Variants in ATRN observed in about 807,000 individuals in gnomAD.
ATRN encodes attractin-2.
A neutral mutation model predicts 178.7 loss-of-function variants in ATRN; 54 were observed. The observed-to-expected ratio is 0.30, with a 90% CI of 0.24 to 0.38. The LOEUF (loss-of-function observed/expected upper bound fraction) is 0.38, where lower values mean the gene tolerates loss of function less well. Among genes scored for constraint, ATRN ranks in the 10% least tolerant of loss-of-function variants. The probability of loss-of-function intolerance (pLI) is 1.00; values close to 1 mark genes in which losing one functional copy is unlikely to be tolerated. For missense variants in ATRN, 1,443 were observed against 1,815.1 expected (o/e 0.79, Z 3.73); for synonymous variants, 636 against 663.0 (o/e 0.96, Z 0.63).
chr20:3,490,448 C>G, intron 1 of ATRN: 1 of 947,342 alleles, frequency 1.1e-6, no homozygotes, highest in South Asian at 1.3e-5. Context: ...TGAAGTTACT[C>G]AAGCAGCATC....
intron 6 of ATRN, among the ~76,000 whole-genome samples, chr20:3,557,106 G>A (rs891972530): frequency 2.0e-5 from 3 of 152,164 alleles, no homozygotes; most frequent in Non-Finnish European, 4.4e-5. Flanking sequence ...GTCCTTCTCA[G>A]GAAACACCTT....
At chr20:3,613,244 T>A (rs2086791152) in intron 24 of ATRN, among the ~76,000 whole-genome samples, 1 of 152,222 alleles carries the variant, frequency 6.6e-6, no homozygotes, top group Non-Finnish European at 1.5e-5. Flanking sequence ...GTAAGTTCTA[T>A]TGCAAACGTG....
chr20:3,537,242 A>G (rs1676782199), intron 2 of ATRN, among the ~76,000 whole-genome samples: 1 of 152,218 alleles, frequency 6.6e-6, no homozygotes, highest in Admixed American at 6.5e-5. Context: ...TTGGCAGCAA[A>G]TACTGTCAGT....
At chr20:3,606,753 T>A (rs658709) in intron 24 of ATRN, among the ~76,000 whole-genome samples, 4,170 of 152,310 alleles carry the variant, frequency 0.027, 147 homozygotes, top group African/African-American at 0.082. Context: ...GCTAATATTT[T>A]GGTTAGAATT....
intron 1 of ATRN, among the ~76,000 whole-genome samples, chr20:3,519,675 G>T (rs973689987): frequency 6.6e-6 from 1 of 152,070 alleles, no homozygotes; most frequent in Non-Finnish European, 1.5e-5. Flanking sequence ...AATCTCAGAG[G>T]TCACCGCTAA....
chr20:3,529,731 G>A (rs1358962488), intron 1 of ATRN, among the ~76,000 whole-genome samples: 1 of 152,124 alleles, frequency 6.6e-6, no homozygotes, highest in East Asian at 1.9e-4. Flanking sequence ...TACACTTTGT[G>A]TATACATTTG....
chr20:3,577,646 T>G (rs1161817657), intron 14 of ATRN, among the ~76,000 whole-genome samples: 1 of 152,168 alleles, frequency 6.6e-6, no homozygotes, highest in African/African-American at 2.4e-5. Flanking sequence ...GAATGTCCCT[T>G]GGAAGTTTTT....
At chr20:3,501,105 C>G (rs887229171) in intron 1 of ATRN, among the ~76,000 whole-genome samples, 5 of 151,990 alleles carry the variant, frequency 3.3e-5, no homozygotes. Flanking sequence ...AATCGTATAA[C>G]TGGTATTATT....
rs1179229505 is a variant in ATRN at position 3,645,909 on chromosome 20, A to T, written c.4166-814A>T. Among the ~76,000 whole-genome samples the T allele has an allele frequency of 2.6e-5, 4 of 152,132 alleles. No individual in the cohort carries two copies. Among genetic ancestry groups the T allele is most frequent in the Non-Finnish European group, 5.9e-5 (4 of 68,034 alleles). On this transcript the variant is annotated intron_variant, in intron 28 of 28. Coordinates refer to ENST00000262919, the MANE Select transcript of ATRN (RefSeq NM_139321.3). This position sits in a 1 kb window ranked among gnomAD's most constrained non-coding sequence, Gnocchi z 4.7. Reference sequence around the variant, plus strand: ...CCCAGAACCGTGCCTTCCCTAATGGATGTCAGATTACTCCGTTATCAATAC... The same window carrying T: ...CCCAGAACCGTGCCTTCCCTAATGGTTGTCAGATTACTCCGTTATCAATAC...
At chr20:3,502,277 A>G (rs951600911) in intron 1 of ATRN, among the ~76,000 whole-genome samples, 1 of 152,184 alleles carries the variant, frequency 6.6e-6, no homozygotes, top group Admixed American at 6.5e-5. Context: ...TATTACAAAT[A>G]AGATGGTATA....
chr20:3,606,114 C>T (rs956669179), intron 24 of ATRN, among the ~76,000 whole-genome samples: 19 of 152,196 alleles, frequency 1.2e-4, no homozygotes, highest in African/African-American at 4.6e-4. Flanking sequence ...CCCTCGCATA[C>T]TCCCTGTGTC....
chr20:3,585,431 T>C (rs762678094), intron 18 of ATRN, among the ~76,000 whole-genome samples: 8 of 152,138 alleles, frequency 5.3e-5, no homozygotes, highest in Non-Finnish European at 1.0e-4. Flanking sequence ...TTATTGGAGA[T>C]AAAGAAGCCA....
chr20:3,625,028 T>C lies in ATRN; in HGVS notation c.3863+456T>C, dbSNP rs189253584. 2.9e-3 allele frequency among the ~76,000 whole-genome samples: 443 copies of C among 152,356 alleles called. 2 individuals carry two copies. Among genetic ancestry groups the C allele is most frequent in the Non-Finnish European group, 4.1e-3 (282 of 68,034 alleles). On this transcript the variant is annotated intron_variant, in intron 25 of 28. Transcript: ENST00000262919. ...GATTTTCTTTTATTTCCATAGTTTTTTTCGTAGTCTAATTTTATCTTTATG... is the reference window on the plus strand; with the variant it reads ...GATTTTCTTTTATTTCCATAGTTTTCTTCGTAGTCTAATTTTATCTTTATG...
At chr20:3,569,486 G>T (rs2086086123) in intron 11 of ATRN, among the ~76,000 whole-genome samples, 1 of 152,176 alleles carries the variant, frequency 6.6e-6, no homozygotes, top group Non-Finnish European at 1.5e-5. Context: ...TATGAAGAGA[G>T]GGAGCATACA....
At position 3,471,525 on chromosome 20, in the gene ATRN, G is replaced by T. The variant is rs867829917; in HGVS notation, c.410+8G>T. 2 of 1,386,472 alleles carry T rather than the reference G, an allele frequency of 1.4e-6. No homozygotes were observed. Among genetic ancestry groups the T allele is most frequent in the Middle Eastern group, 4.1e-4 (2 of 4,904 alleles). The allele number at this position is 1,386,472 out of a possible 1,614,324, so 85.9% of individuals were successfully genotyped here. A position where few individuals can be genotyped will look rare whatever the true frequency, so the allele number is the denominator to read the frequency against. ...CTGCGGGGGCCGCTTCAGGTGAGTG[G>T]CGGGTGGTGTCGGAGGGTCGGGTCC... On this transcript the variant is annotated splice_region_variant and intron_variant, in intron 1 of 28. Transcript: ENST00000262919.
At chr20:3,513,045 C>T (rs2085158298) in intron 1 of ATRN, among the ~76,000 whole-genome samples, 1 of 152,066 alleles carries the variant, frequency 6.6e-6, no homozygotes, top group Non-Finnish European at 1.5e-5. Context: ...AAATTTTCTC[C>T]CATTCTGTAG....
chr20:3,503,974 C>T (rs1300304238), intron 1 of ATRN, among the ~76,000 whole-genome samples: 2 of 152,238 alleles, frequency 1.3e-5, no homozygotes, highest in Middle Eastern at 3.4e-3. Flanking sequence ...AGAAATGATG[C>T]ATTACCTATA....
rs1208190634 is a variant in ATRN at position 3,489,813 on chromosome 20, C to T, written c.410+18296C>T. 3 of 1,260,762 alleles carry T rather than the reference C, an allele frequency of 2.4e-6. No individual in the cohort carries two copies. The East Asian group carries it at 7.0e-5, about 29-fold the overall frequency. The allele number at this position is 1,260,762 out of a possible 1,614,324, so 78.1% of individuals were successfully genotyped here. A position where few individuals can be genotyped will look rare whatever the true frequency, so the allele number is the denominator to read the frequency against. Reference sequence around the variant, plus strand: ...GTAGGTGTAGTTTCCACAAATCTCACAGTTATAGTTGATATTTAGGCCATG... The same window carrying T: ...GTAGGTGTAGTTTCCACAAATCTCATAGTTATAGTTGATATTTAGGCCATG... On this transcript the variant is annotated intron_variant, in intron 1 of 28. Transcript: ENST00000262919.
chr20:3,536,366 G>T (rs2085533293), intron 2 of ATRN, among the ~76,000 whole-genome samples: 2 of 151,940 alleles, frequency 1.3e-5, no homozygotes, highest in Middle Eastern at 3.2e-3. Flanking sequence ...GTGCCACCAT[G>T]CCCAGCTAAG....
Sources: gnomAD v4.1 joint callset for allele counts (sites outside exome capture counted in the v4.1 genomes callset) on GRCh38, gnomAD v4.1.1 for gene constraint, Gnocchi (gnomAD v3.1) non-coding constraint, MANE v1.5 for transcripts, NCBI Gene and HGNC (gene_info 2026-07-23, HGNC 2026-07-21) for gene names.